PLB1: variants seen among roughly 807,000 people sequenced by gnomAD.
PLB1 encodes the protein phospholipase B1, membrane-associated.
In PLB1, 242 loss-of-function variants were observed where a neutral mutation model predicts 227.4. That is an observed-to-expected ratio of 1.06 (90% CI 0.96 to 1.18). The LOEUF (loss-of-function observed/expected upper bound fraction) is 1.18, where lower values mean the gene tolerates loss of function less well. PLB1 is among the 50% of genes most tolerant of loss of function. The pLI, the probability that PLB1 is intolerant of heterozygous loss-of-function variation, is 0.00. For synonymous variants in PLB1, 757 were observed against 682.2 expected (o/e 1.11, Z -1.71); for missense variants, 1,858 against 1,816.3 (o/e 1.02, Z -0.42).
At chr2:28,581,482 C>CAAAAAAAA (rs149826765) in intron 23 of PLB1, among the ~76,000 whole-genome samples, 8 of 58,270 alleles carry the variant, frequency 1.4e-4, no homozygotes, top group African/African-American at 7.0e-4. Flanking sequence ...GAGCTCCACG[C>CAAAAAAAA]AAAAAAATAA....
At chr2:28,635,293 C>T (rs1689166327) in intron 56 of PLB1, among the ~76,000 whole-genome samples, 1 of 152,180 alleles carries the variant, frequency 6.6e-6, no homozygotes, top group Non-Finnish European at 1.5e-5. Flanking sequence ...CGGCTTCTGG[C>T]TGGAATTTCA....
chr2:28,618,951 C>T (rs1245894197), intron 46 of PLB1, among the ~76,000 whole-genome samples: 1 of 152,142 alleles, frequency 6.6e-6, no homozygotes, highest in Admixed American at 6.5e-5. Flanking sequence ...CAGTCATAGC[C>T]CCCCAGCAAC....
chr2:28,518,343 G>A, intron 2 of PLB1, 123 bp from the exon 3 acceptor site: 1 of 753,462 alleles, frequency 1.3e-6, no homozygotes, highest in South Asian at 1.6e-5. Flanking sequence ...ATGGGCAATT[G>A]TTGTTTCTAG....
intron 44 of PLB1, among the ~76,000 whole-genome samples, chr2:28,615,001 G>A (rs1034372560): frequency 1.3e-5 from 2 of 152,164 alleles, no homozygotes; most frequent in African/African-American, 4.8e-5. Flanking sequence ...TGACAGCTCT[G>A]AGGAGCGTGA....
At chr2:28,570,659 G>A (rs748335007) in intron 20 of PLB1, among the ~76,000 whole-genome samples, 2 of 152,194 alleles carry the variant, frequency 1.3e-5, no homozygotes, top group African/African-American at 2.4e-5. Context: ...GGTGGCGGGT[G>A]CCTGTAATCC....
At chr2:28,521,017 A>G (rs1461521439) in intron 4 of PLB1, among the ~76,000 whole-genome samples, 3 of 152,202 alleles carry the variant, frequency 2.0e-5, no homozygotes, top group Non-Finnish European at 2.9e-5. Context: ...TTAATGTTTC[A>G]TATAAGTGAA....
intron 4 of PLB1, among the ~76,000 whole-genome samples, chr2:28,524,214 C>G (rs775989087): frequency 6.6e-6 from 1 of 152,108 alleles, no homozygotes; most frequent in Non-Finnish European, 1.5e-5. Flanking sequence ...CACCACCACA[C>G]CTGGAGATAC....
Position 28,584,566 on chromosome 2 carries a change from A to C in PLB1, c.1734-1195A>C, listed in dbSNP as rs376590580. Among the ~76,000 whole-genome samples the C allele has an allele frequency of 1.1e-3, 161 of 152,342 alleles. 1 individual carries two copies. The highest frequency in any genetic ancestry group is 3.7e-3 in the African/African-American group (155 of 41,578). On this transcript the variant is annotated intron_variant, in intron 25 of 57. Transcript: ENST00000327757. The stretch of plus-strand genomic sequence containing the variant: ...TTTAGACCATTCAAACTCAAGGTTC[A>C]AAATAGGCATTTGCCAGGCCCATTC...
chr2:28,517,961 G>A (rs910328654), intron 2 of PLB1, among the ~76,000 whole-genome samples: 3 of 149,268 alleles, frequency 2.0e-5, no homozygotes, highest in Non-Finnish European at 3.0e-5. Context: ...GGCAGCCTTC[G>A]CCTCCCGGTT....
intron 57 of PLB1, among the ~76,000 whole-genome samples, chr2:28,641,509 G>A (rs1485206046): frequency 6.6e-6 from 1 of 152,192 alleles, no homozygotes; most frequent in East Asian, 1.9e-4. Flanking sequence ...TCAGGAGGCT[G>A]AGGCAGGAGA....
rs776526604 is a variant in PLB1 at position 28,629,112 on chromosome 2, A to C, written c.3745A>C (p.Asn1249His). 6.2e-7 allele frequency: 1 copy of C among 1,613,756 alleles called. No individual in the cohort carries two copies. The highest frequency in any genetic ancestry group is 8.5e-7 in the Non-Finnish European group (1 of 1,179,840). ...LSEELPRAFVNVVEVMELASL... is the reference protein window; with the variant it reads ...LSEELPRAFVHVVEVMELASL... The stretch of plus-strand genomic sequence containing the variant: ...CCTGCAGCTCCCAAGGGCTTTCGTC[A>C]ACGTGGTGGAGGTCATGGAGCTGGC... The change falls in exon 53 of 58, where the codon AAC becomes CAC. Residue 1249 changes from asparagine (N) to histidine (H), a missense_variant. Asn to His is a moderately conservative substitution (Grantham distance 68). Coordinates refer to ENST00000327757, the MANE Select transcript of PLB1 (RefSeq NM_153021.5).
rs115240682 is a variant in PLB1, at chr2:28,598,721, A to T, written c.2435A>T (p.Asn812Ile). ...AVGTGDANDT[N>I]AFLNQAVPGA... is the part of the protein sequence containing the mutation. ...GGCACGGGTGATGCCAATGACACGA[A>T]TGCATTCCTCAATCAAGCTGTTCCC... Residue 812 changes from asparagine (N) to isoleucine (I), a missense_variant, in exon 35 of 58, where the codon AAT (asparagine) becomes ATT (isoleucine). Physicochemically the swap from Asn to Ile is moderately radical, Grantham distance 149. Coordinates refer to ENST00000327757, the MANE Select transcript of PLB1 (RefSeq NM_153021.5). 4,770 of 1,614,236 alleles carry T rather than the reference A, an allele frequency of 3.0e-3. 115 individuals are homozygous for T. The African/African-American group carries it at 0.051, about 17-fold the overall frequency.
chr2:28,533,257 A>T (rs1671257073), intron 9 of PLB1, among the ~76,000 whole-genome samples: 1 of 152,124 alleles, frequency 6.6e-6, no homozygotes, highest in South Asian at 2.1e-4. Context: ...ATGGAAATCC[A>T]CCTTCCTGAC....
rs546988259 is a variant in PLB1 at position 28,592,147 on chromosome 2, G to A, written c.2188+387G>A. ...CAGTAGGGCCTGGAAGTTTCCCTGGGCTGTTCAGAAGAGATGTGGGGGCAA... is the reference window on the plus strand; with the variant it reads ...CAGTAGGGCCTGGAAGTTTCCCTGGACTGTTCAGAAGAGATGTGGGGGCAA... On this transcript the variant is annotated intron_variant, in intron 31 of 57. Coordinates refer to ENST00000327757, the MANE Select transcript of PLB1 (RefSeq NM_153021.5). Among the ~76,000 whole-genome samples the A allele has an allele frequency of 1.3e-4, 20 of 152,264 alleles. No individual in the cohort carries two copies. In the South Asian group the frequency reaches 3.7e-3, roughly 28 times the overall value.
chr2:28,526,136 G>C (rs1225165127), intron 6 of PLB1, among the ~76,000 whole-genome samples, 191 bp downstream of exon 6: 1 of 152,178 alleles, frequency 6.6e-6, no homozygotes, highest in Non-Finnish European at 1.5e-5. Flanking sequence ...GAATGGGGGT[G>C]TGCGAAATGT....
At chr2:28,544,413 C>T (rs988242149) in intron 14 of PLB1, among the ~76,000 whole-genome samples, 1 of 152,248 alleles carries the variant, frequency 6.6e-6, no homozygotes, top group South Asian at 2.1e-4. Flanking sequence ...CCAAACCTCT[C>T]CTCTCCTGCC....
At chr2:28,606,969 C>T (rs1174658710) in intron 43 of PLB1, among the ~76,000 whole-genome samples, 1 of 152,068 alleles carries the variant, frequency 6.6e-6, no homozygotes, top group African/African-American at 2.4e-5. Context: ...GGCTTAAGAG[C>T]TGTGGTTGGA....
chr2:28,538,285 G>GGCACC (rs749212693), intron 9 of PLB1, 34 bp from the exon 10 acceptor site: 167 of 1,613,968 alleles, frequency 1.0e-4, no homozygotes, highest in Non-Finnish European at 1.4e-4. Flanking sequence ...TCCTCCTGCA[G>GGCACC]GCACCCTCAC....
intron 21 of PLB1, among the ~76,000 whole-genome samples, chr2:28,573,967 T>C (rs376506599): frequency 6.6e-6 from 1 of 152,168 alleles, no homozygotes; most frequent in African/African-American, 2.4e-5. Flanking sequence ...GAAACATCAG[T>C]GAGCACGGCC....
Sources: allele counts gnomAD v4.1 joint callset (sites outside exome capture counted in the v4.1 genomes callset), GRCh38; gene constraint gnomAD v4.1.1; transcripts MANE v1.5; gene names NCBI Gene and HGNC (gene_info 2026-07-23, HGNC 2026-07-21).